The following GDF6 variants were observed in gnomAD, a reference collection of about 807,000 sequenced individuals.
GDF6 encodes growth/differentiation factor 6.
Under a neutral mutation model 32.4 loss-of-function variants are expected in GDF6, and 3 were observed. The ratio of observed to expected loss-of-function variants is 0.09; its 90% CI spans 0.04 to 0.24. The LOEUF is 0.24. GDF6 is among the 10% of genes least tolerant of loss of function. GDF6 has a pLI of 1.00. For synonymous variants in GDF6, 296 were observed against 295.3 expected, an observed-to-expected ratio of 1.00 and a Z score of -0.03; for missense variants, 589 against 637.9, an observed-to-expected ratio of 0.92 and a Z score of 0.83.
intron 1 of GDF6, among the ~76,000 whole-genome samples, chr8:96,159,915 G>A (rs1237305961): frequency 6.6e-6 from 1 of 152,098 alleles, no homozygotes; most frequent in African/African-American, 2.4e-5. Flanking sequence ...CCAGTATCCC[G>A]AGACACCGAT....
At chr8:96,158,974 G>A (rs1812715691) in intron 1 of GDF6, among the ~76,000 whole-genome samples, 1 of 152,020 alleles carries the variant, frequency 6.6e-6, no homozygotes, top group Non-Finnish European at 1.5e-5. Flanking sequence ...ACTGGAGCCG[G>A]GGAAGAGCTC....
intron 1 of GDF6, among the ~76,000 whole-genome samples, chr8:96,152,277 C>G (rs1166421281): frequency 6.6e-6 from 1 of 152,198 alleles, no homozygotes; most frequent in Admixed American, 6.5e-5. Context: ...CTGTCCCTCC[C>G]ACAGTGCCAG....
intron 1 of GDF6, among the ~76,000 whole-genome samples, chr8:96,157,189 G>C (rs1399869079): frequency 6.6e-6 from 1 of 152,168 alleles, no homozygotes; most frequent in Non-Finnish European, 1.5e-5. Context: ...CATACTGAAA[G>C]AAGGGACCTG....
chr8:96,146,588 G>A (rs1254627987), intron 1 of GDF6, among the ~76,000 whole-genome samples: 1 of 152,026 alleles, frequency 6.6e-6, no homozygotes, highest in Non-Finnish European at 1.5e-5. Flanking sequence ...CCTTGCATCT[G>A]TCCATTGAGA....
chr8:96,155,263 C>T (rs1393298475), intron 1 of GDF6, among the ~76,000 whole-genome samples: 1 of 152,256 alleles, frequency 6.6e-6, no homozygotes, highest in African/African-American at 2.4e-5. Flanking sequence ...CCTGCGCAAC[C>T]TGCGCTCTCG....
intron 1 of GDF6, among the ~76,000 whole-genome samples, chr8:96,152,218 A>C (rs1025523287): frequency 6.6e-6 from 1 of 152,160 alleles, no homozygotes; most frequent in African/African-American, 2.4e-5. Flanking sequence ...CTGCAGCCTC[A>C]CCTCATCATC....
Position 96,145,664 on chromosome 8 carries a change from A to C in GDF6, c.407-140T>G. 1 of 969,018 alleles carries C rather than the reference A, an allele frequency of 1.0e-6. No individual in the cohort carries two copies. Among genetic ancestry groups the C allele is most frequent in the Non-Finnish European group, 1.6e-6 (1 of 644,108 alleles). 60.0% of individuals were successfully genotyped at this position (969,018 alleles called of 1,614,324 possible). On this transcript the variant is annotated intron_variant, in intron 1 of 1. Coordinates refer to ENST00000287020, the MANE Select transcript of GDF6 (RefSeq NM_001001557.4). This position sits in a 1 kb window ranked among gnomAD's most constrained non-coding sequence, Gnocchi z 5.6. ...TCCAGCTTGCCCGGCCCAGGGCCTG[A>C]CCACCCCGGCTCCCCATCTGGCTGG...
intron 1 of GDF6, among the ~76,000 whole-genome samples, chr8:96,153,906 GGTC>G (rs1812613705): frequency 6.6e-6 from 1 of 152,108 alleles, no homozygotes; most frequent in Non-Finnish European, 1.5e-5. Flanking sequence ...TGTTCATTTA[GGTC>G]TGACTTTCGA....
At position 96,153,083 on chromosome 8, in the gene GDF6, C is replaced by T. The variant is rs949752965; in HGVS notation, c.406+7204G>A. ...TCAGCACCGCCTTTAGTGGCCTTAG[C>T]TCTAACCCCAGGGTGCCTGTTTCTG... On this transcript the variant is annotated intron_variant, in intron 1 of 1. Coordinates refer to ENST00000287020, the MANE Select transcript of GDF6 (RefSeq NM_001001557.4). Among the ~76,000 whole-genome samples, 13 of 152,374 alleles carry T rather than the reference C, an allele frequency of 8.5e-5. No individual in the cohort carries two copies. The East Asian group carries it at 2.5e-3, about 29-fold the overall frequency.
In GDF6 at chr8:96,145,878, AC is replaced by A. The variant is rs1250702895; in HGVS notation, c.407-355del. On this transcript the variant is annotated intron_variant, in intron 1 of 1. Transcript: ENST00000287020. The surrounding 1 kb of genome is among the most constrained non-coding windows in gnomAD (Gnocchi z 5.6). ...CAAGCCTGGGCCGCGTTTCCCCTAG[AC>A]CTCCTCTGGGCTGGGCTGGCTCGTT... Among the ~76,000 whole-genome samples, 1 of 151,528 alleles carries A rather than the reference AC, an allele frequency of 6.6e-6. No individual in the cohort carries two copies. Among genetic ancestry groups the A allele is most frequent in the Non-Finnish European group, 1.5e-5 (1 of 67,848 alleles).
Position 96,145,578 on chromosome 8 carries a change from G to C in GDF6, c.407-54C>G. On this transcript the variant is annotated intron_variant, in intron 1 of 1. Transcript: ENST00000287020. The surrounding 1 kb of genome is among the most constrained non-coding windows in gnomAD (Gnocchi z 5.6). Reference sequence around the variant, plus strand: ...TTTCACTTAAGGGGGAGATCAGCCCGGTGCTCTTCGGCCGCCCCGGGAGGA... The same window carrying C: ...TTTCACTTAAGGGGGAGATCAGCCCCGTGCTCTTCGGCCGCCCCGGGAGGA... 6.3e-7 allele frequency: 1 copy of C among 1,594,658 alleles called. No homozygotes were observed. Among genetic ancestry groups the C allele is most frequent in the Non-Finnish European group, 8.5e-7 (1 of 1,178,228 alleles).
chr8:96,145,091 T>A lies in GDF6; in HGVS notation c.840A>T (p.Val280=). Reference sequence around the variant, plus strand: ...GGTTCTTGCGCTGGGATCTGGTGAATACCACCAGCAGGGCCCGCTCCTGGG... The same window carrying A: ...GGTTCTTGCGCTGGGATCTGGTGAAAACCACCAGCAGGGCCCGCTCCTGGG... ...RPPQERALLV[V]FTRSQRKNLF... is the part of the protein sequence containing the mutation. Residue 280 remains valine (V), a synonymous_variant, in exon 2 of 2, where the codon GTA becomes GTT. Transcript: ENST00000287020. The surrounding 1 kb of genome is among the most constrained non-coding windows in gnomAD (Gnocchi z 5.6). 1 of 1,520,272 alleles carries A rather than the reference T, an allele frequency of 6.6e-7. No homozygotes were observed. The highest frequency in any genetic ancestry group is 8.7e-7 in the Non-Finnish European group (1 of 1,143,252). The allele number at this position is 1,520,272 out of a possible 1,614,324, so 94.2% of individuals were successfully genotyped here. A position where few individuals can be genotyped will look rare whatever the true frequency, so the allele number is the denominator to read the frequency against.
At chr8:96,156,424 CTCTG>C (rs1374281981) in intron 1 of GDF6, among the ~76,000 whole-genome samples, 12 of 151,554 alleles carry the variant, frequency 7.9e-5, no homozygotes, top group Non-Finnish European at 1.5e-4. Flanking sequence ...CTCTCTCTCT[CTCTG>C]TCTCTCTCTT....
Position 96,145,157 on chromosome 8 carries a change from CG to C in GDF6, c.773del (p.Pro258ArgfsTer104). 7 of 1,504,698 alleles carry C rather than the reference CG, an allele frequency of 4.7e-6. No homozygotes were observed. The highest frequency in any genetic ancestry group is 4.2e-5 in the Admixed American group (2 of 48,038). The allele number at this position is 1,504,698 out of a possible 1,614,324, so 93.2% of individuals were successfully genotyped here. A position where few individuals can be genotyped will look rare whatever the true frequency, so the allele number is the denominator to read the frequency against. On this transcript the variant is annotated frameshift_variant, in exon 2 of 2. Transcript: ENST00000287020. LOFTEE classifies it high-confidence loss of function. The surrounding 1 kb of genome is among the most constrained non-coding windows in gnomAD (Gnocchi z 5.6). The part of the protein sequence containing the change: ...RARGPQQPPP[P>X]DLRSLGFGRR... ...GGCCGAAGCCCAGACTCCGCAGGTC[CG>C]GGGGCGGCGGTTGCTGGGGTCCCCG...
intron 1 of GDF6, among the ~76,000 whole-genome samples, chr8:96,154,128 C>T (rs1413796648): frequency 6.6e-6 from 1 of 152,132 alleles, no homozygotes; most frequent in Non-Finnish European, 1.5e-5. Flanking sequence ...AAAGCCAATC[C>T]CCTGCGCTGC....
In GDF6 at chr8:96,150,919, T is replaced by C. The variant is rs80118560; in HGVS notation, c.407-5395A>G. Among the ~76,000 whole-genome samples the C allele has an allele frequency of 7.1e-3, 1,077 of 152,304 alleles. 11 individuals carry two copies. The highest frequency in any genetic ancestry group is 0.025 in the African/African-American group (1,026 of 41,562). ...CTGGGCTTGGAGTCATTTTCTCAAC[T>C]AAGTCTCTCACCTTCCGCGCTGCAC... On this transcript the variant is annotated intron_variant, in intron 1 of 1. Transcript: ENST00000287020.
At chr8:96,157,473 C>T (rs1323402832) in intron 1 of GDF6, among the ~76,000 whole-genome samples, 6 of 151,744 alleles carry the variant, frequency 4.0e-5, no homozygotes, top group African/African-American at 1.2e-4. Context: ...GGCTCCTTTC[C>T]TTTTCTTCGC....
intron 1 of GDF6, among the ~76,000 whole-genome samples, chr8:96,154,538 A>G (rs907849595): frequency 6.6e-6 from 1 of 152,182 alleles, no homozygotes; most frequent in Non-Finnish European, 1.5e-5. Context: ...AGGGATGTCA[A>G]GCAACGGAAT....
chr8:96,152,986 GA>G lies in GDF6; in HGVS notation c.406+7300del, dbSNP rs572052354. On this transcript the variant is annotated intron_variant, in intron 1 of 1. Transcript: ENST00000287020. ...GGTGAGGCAAATGAATGAGAGTGGA[GA>G]GAAAGAAAAGAAAGGAGATCCTCGA... Among the ~76,000 whole-genome samples the G allele has an allele frequency of 5.9e-5, 9 of 152,328 alleles. No homozygotes were observed. In the South Asian group the frequency reaches 1.9e-3, roughly 32 times the overall value.
Sources: gnomAD v4.1 joint callset for allele counts (sites outside exome capture counted in the v4.1 genomes callset) on GRCh38, gnomAD v4.1.1 for gene constraint, Gnocchi (gnomAD v3.1) non-coding constraint, MANE v1.5 for transcripts, NCBI Gene and HGNC (gene_info 2026-07-23, HGNC 2026-07-21) for gene names.